The following RARB variants were observed in gnomAD, a reference collection of about 807,000 sequenced individuals.
RARB encodes the protein HBV-activated protein.
RARB carries 17 observed loss-of-function variants against 51.9 expected under a neutral mutation model. The ratio of observed to expected loss-of-function variants is 0.33; its 90% CI spans 0.22 to 0.49. The LOEUF (loss-of-function observed/expected upper bound fraction) is 0.49. Among genes scored for constraint, RARB ranks in the 20% least tolerant of loss-of-function variants. The pLI is 0.99. For missense variants in RARB, 369 were observed against 550.8 expected (o/e 0.67, Z 3.30); for synonymous variants, 215 against 195.4 (o/e 1.10, Z -0.84).
At chr3:24,984,432 T>C in intron 2 of RARB, among the ~76,000 whole-genome samples, 1 of 152,156 alleles carries the variant, frequency 6.6e-6, no homozygotes, top group Non-Finnish European at 1.5e-5. Flanking sequence ...AAATAAAGTG[T>C]GGGTGGGTGA....
chr3:24,937,765 G>C (rs1695576379), intron 2 of RARB, among the ~76,000 whole-genome samples: 1 of 152,034 alleles, frequency 6.6e-6, no homozygotes, highest in Admixed American at 6.6e-5. Context: ...AGCGAGTTGG[G>C]CCCACAGATA....
intron 2 of RARB, among the ~76,000 whole-genome samples, chr3:24,920,815 A>G (rs13096040): frequency 0.26 from 38,958 of 152,012 alleles, 5,477 homozygotes; most frequent in East Asian, 0.44. Flanking sequence ...CACTTTGTCA[A>G]TCTACTTCTA....
intron 2 of RARB, among the ~76,000 whole-genome samples, chr3:25,474,786 A>G (rs1695872053): frequency 6.6e-6 from 1 of 152,200 alleles, no homozygotes; most frequent in African/African-American, 2.4e-5. Flanking sequence ...ATGAAATTAA[A>G]TGTATAATTT....
chr3:25,369,713 A>G (rs113392558), intron 5 of RARB, among the ~76,000 whole-genome samples: 8,341 of 152,246 alleles, frequency 0.055, 735 homozygotes, highest in African/African-American at 0.19. Flanking sequence ...ACCTGAGGTC[A>G]GGAGTTTGAG....
At chr3:25,346,660 G>A (rs536912725) in intron 5 of RARB, among the ~76,000 whole-genome samples, 20 of 152,276 alleles carry the variant, frequency 1.3e-4, no homozygotes, top group Non-Finnish European at 2.2e-4. Flanking sequence ...CAGGAAGCTC[G>A]AAGTGGCTGA....
At chr3:24,846,937 G>C (rs550368984) in intron 1 of RARB, among the ~76,000 whole-genome samples, 2 of 152,074 alleles carry the variant, frequency 1.3e-5, no homozygotes, top group Middle Eastern at 3.5e-3. Flanking sequence ...TTAAGCAGTT[G>C]TATTGATACA....
At chr3:25,175,944 T>G (rs1700735561) in intron 5 of RARB, among the ~76,000 whole-genome samples, 1 of 152,240 alleles carries the variant, frequency 6.6e-6, no homozygotes, top group South Asian at 2.1e-4. Context: ...AAGTGCTGTT[T>G]CAAATCATGT....
intron 5 of RARB, among the ~76,000 whole-genome samples, chr3:25,237,921 A>G (rs144109738): frequency 4.5e-4 from 69 of 152,212 alleles, no homozygotes; most frequent in African/African-American, 1.6e-3. Context: ...ACATATATAG[A>G]GAGAGTACAT....
chr3:25,017,404 T>G (rs1697536502), intron 2 of RARB, among the ~76,000 whole-genome samples: 1 of 152,224 alleles, frequency 6.6e-6, no homozygotes, highest in African/African-American at 2.4e-5. Context: ...AAAGAAGATT[T>G]TTCCCATTTT....
chr3:25,439,613 G>T (rs1485653215), intron 1 of RARB, among the ~76,000 whole-genome samples: 1 of 152,074 alleles, frequency 6.6e-6, no homozygotes, highest in Non-Finnish European at 1.5e-5. Flanking sequence ...GCCCAGGCTG[G>T]TCTTAAACTC....
chr3:24,942,700 A>T (rs1050128454), intron 2 of RARB, among the ~76,000 whole-genome samples: 1 of 152,146 alleles, frequency 6.6e-6, no homozygotes, highest in African/African-American at 2.4e-5. Flanking sequence ...AATACGCACT[A>T]TGTTGCCTGG....
intron 1 of RARB, among the ~76,000 whole-genome samples, chr3:25,448,896 G>A (rs1048243903): frequency 1.3e-4 from 19 of 148,222 alleles, no homozygotes; most frequent in African/African-American, 2.5e-4. Flanking sequence ...CTCCACCCCC[G>A]CAATCCCCAG....
chr3:25,107,944 C>T (rs1185566871), intron 3 of RARB, among the ~76,000 whole-genome samples: 2 of 152,028 alleles, frequency 1.3e-5, no homozygotes, highest in Non-Finnish European at 2.9e-5. Flanking sequence ...TTCTCTGTGG[C>T]ATATCTGAAT....
intron 3 of RARB, among the ~76,000 whole-genome samples, chr3:25,100,828 A>G (rs1193970694): frequency 6.6e-6 from 1 of 152,154 alleles, no homozygotes; most frequent in Non-Finnish European, 1.5e-5. Flanking sequence ...CATCTCTCAC[A>G]TGTTTGGTGA....
At chr3:24,950,663 G>A (rs1695869908) in intron 2 of RARB, among the ~76,000 whole-genome samples, 1 of 151,546 alleles carries the variant, frequency 6.6e-6, no homozygotes, top group Admixed American at 6.6e-5. Flanking sequence ...CACCCAGCAG[G>A]GTTAGTGGAA....
rs112270091 is a variant in RARB at position 25,075,730 on chromosome 3, C to A, written c.-328+15554C>A. ...ACTATGACATTTGTTGGAGAATCCC[C>A]TGATAAAATATTATTTCAGCACACT... is the stretch of plus-strand genomic sequence containing the variant. On this transcript the variant is annotated intron_variant, in intron 3 of 11. Transcript: ENST00000383772. 1.5e-3 allele frequency among the ~76,000 whole-genome samples: 229 copies of A among 151,508 alleles called. 2 individuals carry two copies. Among genetic ancestry groups the A allele is most frequent in the African/African-American group, 5.3e-3 (221 of 41,314 alleles).
At chr3:25,308,448 C>CTTTTTTTTTT (rs549224085) in intron 5 of RARB, among the ~76,000 whole-genome samples, 3 of 130,748 alleles carry the variant, frequency 2.3e-5, no homozygotes, top group Admixed American at 7.8e-5. Context: ...TTCTTTCTTT[C>CTTTTTTTTTT]TTTTTTTTTT....
intron 4 of RARB, among the ~76,000 whole-genome samples, chr3:25,579,610 C>T (rs773227480): frequency 4.6e-5 from 7 of 152,210 alleles, no homozygotes; most frequent in Admixed American, 1.3e-4. Flanking sequence ...TTTATCCACC[C>T]ATCAGTTAAT....
At chr3:25,204,730 C>A (rs1035693324) in intron 5 of RARB, among the ~76,000 whole-genome samples, 1 of 152,158 alleles carries the variant, frequency 6.6e-6, no homozygotes. Context: ...GCAGAGGCTG[C>A]AGAACGGTGA....
Sources: gnomAD v4.1 joint callset for allele counts (sites outside exome capture counted in the v4.1 genomes callset) on GRCh38, gnomAD v4.1.1 for gene constraint, MANE v1.5 for transcripts, NCBI Gene and HGNC (gene_info 2026-07-23, HGNC 2026-07-21) for gene names.